Variants in MAML3 observed in about 807,000 individuals in gnomAD.
The protein encoded by MAML3 is mastermind-like protein 3.
A neutral mutation model predicts 101.9 loss-of-function variants in MAML3; 27 were observed. The ratio of observed to expected loss-of-function variants is 0.27; its 90% CI spans 0.20 to 0.37. The LOEUF (loss-of-function observed/expected upper bound fraction) is 0.37, where lower values mean the gene tolerates loss of function less well. Among genes scored for constraint, MAML3 ranks in the 10% least tolerant of loss-of-function variants. The pLI is 1.00. For synonymous variants in MAML3, 501 were observed against 555.9 expected (o/e 0.90, Z 1.39); for missense variants, 1,316 against 1,444.9 (o/e 0.91, Z 1.45).
intron 1 of MAML3, among the ~76,000 whole-genome samples, chr4:140,114,229 T>G (rs1728483111): frequency 6.6e-6 from 1 of 152,216 alleles, no homozygotes; most frequent in Non-Finnish European, 1.5e-5. Flanking sequence ...TACTTTTGTG[T>G]AAGTCTGTTA....
chr4:140,100,098 A>T (rs77590008), intron 1 of MAML3, among the ~76,000 whole-genome samples: 7,392 of 146,888 alleles, frequency 0.05, 234 homozygotes, highest in Non-Finnish European at 0.077. Flanking sequence ...TTGTGAGTGG[A>T]GCATGCCATC....
Position 140,060,365 on chromosome 4 carries a change from CA to C in MAML3, c.468+92494del, listed in dbSNP as rs70943471. 1.5e-3 allele frequency among the ~76,000 whole-genome samples: 28 copies of C among 19,124 alleles called. 4 individuals are homozygous for C. The East Asian group carries it at 0.04, about 27-fold the overall frequency. 12.5% of individuals were successfully genotyped at this position (19,124 alleles called of 152,430 possible). A position where few individuals can be genotyped will look rare whatever the true frequency, so the allele number is the denominator to read the frequency against. On this transcript the variant is annotated intron_variant, in intron 1 of 4. Transcript: ENST00000509479. ...TGGGCGACAGAGTAAGACTCTGTCT[CA>C]AAAAAAAAAAAAAAAAAAAGTCACA...
At chr4:139,740,099 T>A (rs1288882627) in intron 2 of MAML3, 1 of 152,096 alleles carries the variant, frequency 6.6e-6, no homozygotes, top group Non-Finnish European at 1.5e-5. Flanking sequence ...CACAAAGAGC[T>A]CCTAAGTCCC....
At position 139,805,159 on chromosome 4, in the gene MAML3, G is replaced by A. The variant is rs191161976; in HGVS notation, c.2080-74492C>T. On this transcript the variant is annotated intron_variant, in intron 2 of 4. Transcript: ENST00000509479. ...AGATGTAGTCATTGCTCCCCAGCCT[G>A]GGCAACAAGAGCGAAAATCCGTCTC... Among the ~76,000 whole-genome samples, 113 of 152,226 alleles carry A rather than the reference G, an allele frequency of 7.4e-4. 3 individuals carry two copies. The East Asian group carries it at 0.016, about 21-fold the overall frequency.
chr4:139,808,361 G>A (rs530614952), intron 2 of MAML3, among the ~76,000 whole-genome samples: 8 of 152,328 alleles, frequency 5.3e-5, no homozygotes, highest in Admixed American at 1.3e-4. Flanking sequence ...GTATATCACC[G>A]GCCTGTGGCC....
intron 1 of MAML3, among the ~76,000 whole-genome samples, chr4:140,066,165 G>A (rs555030419): frequency 7.9e-5 from 12 of 152,316 alleles, no homozygotes; most frequent in African/African-American, 2.6e-4. Flanking sequence ...TTCAAAACTG[G>A]TGTGTATGAG....
chr4:140,005,119 C>A (rs1405042483), intron 1 of MAML3, among the ~76,000 whole-genome samples: 1 of 152,136 alleles, frequency 6.6e-6, no homozygotes, highest in Non-Finnish European at 1.5e-5. Flanking sequence ...TGGGTTAACT[C>A]AGTGGTGTTG....
intron 1 of MAML3, among the ~76,000 whole-genome samples, chr4:139,909,836 CAAAAAAA>C (rs11379402): frequency 1.7e-5 from 1 of 58,730 alleles, no homozygotes; most frequent in Non-Finnish European, 3.1e-5. Context: ...GATGCCGTCT[CAAAAAAA>C]AAAAAAAAAA....
intron 1 of MAML3, among the ~76,000 whole-genome samples, chr4:139,942,269 CAGA>C (rs897936134): frequency 8.5e-5 from 13 of 152,086 alleles, no homozygotes; most frequent in African/African-American, 3.1e-4. Context: ...GAACACAACC[CAGA>C]AGATTTTATT....
intron 1 of MAML3, among the ~76,000 whole-genome samples, chr4:139,959,162 A>AT (rs1399975816): frequency 2.6e-5 from 4 of 152,196 alleles, no homozygotes; most frequent in Non-Finnish European, 5.9e-5. Flanking sequence ...GAACTAAAGC[A>AT]TTTTATTGAA....
intron 1 of MAML3, among the ~76,000 whole-genome samples, chr4:139,919,690 G>T (rs1056073308): frequency 6.6e-6 from 1 of 152,158 alleles, no homozygotes; most frequent in Non-Finnish European, 1.5e-5. Context: ...CAGGGACCTG[G>T]TGCAGCTGAA....
At chr4:139,910,171 G>A (rs1732892289) in intron 1 of MAML3, among the ~76,000 whole-genome samples, 1 of 152,170 alleles carries the variant, frequency 6.6e-6, no homozygotes, top group Admixed American at 6.5e-5. Flanking sequence ...CTGAGCGAGG[G>A]TTCCTCTATG....
chr4:140,061,974 G>A (rs536112803), intron 1 of MAML3, among the ~76,000 whole-genome samples: 3 of 152,242 alleles, frequency 2.0e-5, no homozygotes, highest in African/African-American at 7.2e-5. Flanking sequence ...ACTAAGAAAG[G>A]AGGAGAATGT....
chr4:139,905,078 A>G lies in MAML3; in HGVS notation c.469-14111T>C, dbSNP rs1356097034. 5.3e-5 allele frequency among the ~76,000 whole-genome samples: 8 copies of G among 152,184 alleles called. No homozygotes were observed. In the East Asian group the frequency reaches 1.5e-3, roughly 29 times the overall value. Reference sequence around the variant, plus strand: ...GTGTGGAGAAACAAGCTTGCAGAAGAAAGAGCTGTATAGACCTGTGTACCA... The same window carrying G: ...GTGTGGAGAAACAAGCTTGCAGAAGGAAGAGCTGTATAGACCTGTGTACCA... On this transcript the variant is annotated intron_variant, in intron 1 of 4. Coordinates refer to ENST00000509479, the MANE Select transcript of MAML3 (RefSeq NM_018717.5).
At chr4:140,055,280 G>C (rs974921164) in intron 1 of MAML3, among the ~76,000 whole-genome samples, 2 of 151,986 alleles carry the variant, frequency 1.3e-5, no homozygotes, top group Non-Finnish European at 2.9e-5. Flanking sequence ...AAATTCTATG[G>C]GTATATAAAG....
chr4:139,965,717 T>G (rs538589432), intron 1 of MAML3, among the ~76,000 whole-genome samples: 1 of 152,338 alleles, frequency 6.6e-6, no homozygotes, highest in Non-Finnish European at 1.5e-5. Context: ...TTTTTTATAT[T>G]TTTAGTCACA....
intron 1 of MAML3, among the ~76,000 whole-genome samples, chr4:140,068,895 G>A (rs1020679258): frequency 1.6e-4 from 24 of 152,068 alleles, no homozygotes; most frequent in African/African-American, 5.6e-4. Flanking sequence ...CACTACCCTC[G>A]CTTTGTCTGG....
At chr4:140,075,448 T>C (rs961141140) in intron 1 of MAML3, among the ~76,000 whole-genome samples, 2 of 152,226 alleles carry the variant, frequency 1.3e-5, no homozygotes, top group Non-Finnish European at 2.9e-5. Context: ...GCTAACCAAT[T>C]TTCCTCATAG....
intron 1 of MAML3, among the ~76,000 whole-genome samples, chr4:140,151,674 C>G (rs1729170450): frequency 7.2e-6 from 1 of 139,436 alleles, no homozygotes; most frequent in African/African-American, 2.7e-5. Context: ...CCACCCAGCA[C>G]CCGGGCGGCG....
Sources: gnomAD v4.1 joint callset for allele counts (sites outside exome capture counted in the v4.1 genomes callset) on GRCh38, gnomAD v4.1.1 for gene constraint, MANE v1.5 for transcripts, NCBI Gene and HGNC (gene_info 2026-07-23, HGNC 2026-07-21) for gene names.